Variants in LYN observed in about 807,000 individuals in gnomAD.
LYN encodes the protein tyrosine-protein kinase Lyn.
In LYN, 12 loss-of-function variants were observed where a neutral mutation model predicts 65.0. That is an observed-to-expected ratio of 0.18 (90% confidence interval 0.12 to 0.30). The LOEUF is 0.30. LYN is among the 10% of genes least tolerant of loss of function. The pLI, the probability that LYN is intolerant of heterozygous loss-of-function variation, is 1.00. For synonymous variants in LYN, 222 were observed against 221.2 expected, an observed-to-expected ratio of 1.00 and a Z score of -0.03; for missense variants, 380 against 623.2, an observed-to-expected ratio of 0.61 and a Z score of 4.16.
chr8:56,005,450 C>T (rs542525702), intron 12 of LYN, among the ~76,000 whole-genome samples: 4 of 152,322 alleles, frequency 2.6e-5, no homozygotes, highest in East Asian at 1.9e-4. Context: ...GTCCTGCCCT[C>T]GGCGCTGGCC....
chr8:55,948,649 A>C (rs1806852506), intron 4 of LYN, among the ~76,000 whole-genome samples: 1 of 152,220 alleles, frequency 6.6e-6, no homozygotes, highest in Non-Finnish European at 1.5e-5. Flanking sequence ...GTGACCTGCC[A>C]AATAGGGTTT....
At chr8:55,884,927 C>T (rs527348277) in intron 1 of LYN, among the ~76,000 whole-genome samples, 5 of 152,348 alleles carry the variant, frequency 3.3e-5, no homozygotes, top group African/African-American at 9.6e-5. Flanking sequence ...TTATTTGCCA[C>T]AGAGCTATTT....
chr8:55,892,477 T>G (rs760247722), intron 1 of LYN, among the ~76,000 whole-genome samples: 2 of 152,186 alleles, frequency 1.3e-5, no homozygotes, highest in Non-Finnish European at 2.9e-5. Context: ...GCTTCCTGAT[T>G]TGATGATACA....
intron 8 of LYN, among the ~76,000 whole-genome samples, chr8:55,963,378 C>T (rs1275001513): frequency 6.6e-6 from 1 of 152,170 alleles, no homozygotes; most frequent in Admixed American, 6.5e-5. Flanking sequence ...CAGAGCTGTA[C>T]TTAGAGAGAT....
At chr8:55,994,853 T>C (rs138327832) in intron 10 of LYN, among the ~76,000 whole-genome samples, 171 of 152,314 alleles carry the variant, frequency 1.1e-3, no homozygotes, top group African/African-American at 3.9e-3. Flanking sequence ...GACCGCTCAA[T>C]TGCTGCTGTC....
intron 10 of LYN, among the ~76,000 whole-genome samples, chr8:55,990,723 T>A (rs931209550): frequency 1.3e-5 from 2 of 152,172 alleles, no homozygotes; most frequent in African/African-American, 4.8e-5. Context: ...GTCATTGGTG[T>A]CTACACTCCA....
intron 1 of LYN, among the ~76,000 whole-genome samples, chr8:55,933,445 G>A (rs1806326672): frequency 6.6e-6 from 1 of 152,160 alleles, no homozygotes; most frequent in Admixed American, 6.5e-5. Context: ...ACTTTGTGTA[G>A]CCCCCAGTTA....
At chr8:56,007,375 G>A (rs1808701622) in intron 12 of LYN, among the ~76,000 whole-genome samples, 1 of 152,216 alleles carries the variant, frequency 6.6e-6, no homozygotes, top group South Asian at 2.1e-4. Flanking sequence ...CCCAAATAAA[G>A]AGGATGATAC....
chr8:55,990,972 A>T (rs190435141), intron 10 of LYN, among the ~76,000 whole-genome samples: 1 of 152,344 alleles, frequency 6.6e-6, no homozygotes, highest in Admixed American at 6.5e-5. Context: ...GCCCAGCTTA[A>T]GTGTGTGCCT....
rs1248612838 is a variant in LYN, at chr8:56,013,095, T to A, written c.*2985T>A. ...GTCCAAGCCCCCTTCTAGGGGAAAT[T>A]CACTGCCACAGAAGCCAGCAGCCCT... On this transcript the variant is annotated 3_prime_UTR_variant, in exon 13 of 13. Coordinates refer to ENST00000519728, the MANE Select transcript of LYN (RefSeq NM_002350.4). The A allele has an allele frequency of 6.6e-6, 1 of 152,192 alleles. No individual in the cohort carries two copies. The highest frequency in any genetic ancestry group is 6.5e-5 in the Admixed American group (1 of 15,286). The allele number at this position is 152,192 out of a possible 1,614,324, so 9.4% of individuals were successfully genotyped here. A position where few individuals can be genotyped will look rare whatever the true frequency, so the allele number is the denominator to read the frequency against.
chr8:55,880,699 C>G (rs911869229), intron 1 of LYN, among the ~76,000 whole-genome samples: 1 of 152,218 alleles, frequency 6.6e-6, no homozygotes, highest in African/African-American at 2.4e-5. Context: ...TGGAACTCAC[C>G]CTCCCGCTGC....
rs368928711 is a variant in LYN, at chr8:55,915,322, T to C, written c.-5-26533T>C. 2.0e-5 allele frequency among the ~76,000 whole-genome samples: 3 copies of C among 152,366 alleles called. 1 individual carries two copies. Among genetic ancestry groups the C allele is most frequent in the Admixed American group, 6.5e-5 (1 of 15,310 alleles). ...TATCCAGGTTTATTTATATTAACTA[T>C]AGTTTGTTTAAATATATTTTATTAA... On this transcript the variant is annotated intron_variant, in intron 1 of 12. Transcript: ENST00000519728.
intron 1 of LYN, among the ~76,000 whole-genome samples, chr8:55,923,354 G>A (rs1235765784): frequency 2.0e-5 from 3 of 152,012 alleles, no homozygotes; most frequent in African/African-American, 4.8e-5. Context: ...CTCAGTTTCC[G>A]CCTCTCTGTC....
chr8:55,916,995 G>T (rs1050187004), intron 1 of LYN, among the ~76,000 whole-genome samples: 4 of 151,864 alleles, frequency 2.6e-5, no homozygotes, highest in Non-Finnish European at 2.9e-5. Flanking sequence ...TGGCCAACAC[G>T]GTGAAACCCC....
chr8:55,911,664 G>A (rs1041641484), intron 1 of LYN, among the ~76,000 whole-genome samples: 1 of 99,620 alleles, frequency 1.0e-5, no homozygotes, highest in African/African-American at 3.4e-5. Context: ...GTAACCCTGG[G>A]GGCAGTCCTA....
At chr8:56,000,985 C>T (rs539915780) in intron 12 of LYN, among the ~76,000 whole-genome samples, 1 of 152,212 alleles carries the variant, frequency 6.6e-6, no homozygotes, top group South Asian at 2.1e-4. Context: ...AACACACAGC[C>T]ATCCTGTAGG....
intron 11 of LYN, 100 bp from the exon 12 acceptor site, chr8:55,999,318 C>T (rs1379002467): frequency 4.6e-6 from 5 of 1,089,992 alleles, no homozygotes; most frequent in African/African-American, 3.2e-5. Flanking sequence ...GAAACTCCGC[C>T]TCAAAAAAAG....
chr8:56,004,082 G>A (rs1450202430), intron 12 of LYN, among the ~76,000 whole-genome samples: 1 of 151,122 alleles, frequency 6.6e-6, no homozygotes, highest in East Asian at 2.0e-4. Context: ...ACAGGCATGT[G>A]CCACCATGCC....
At chr8:55,945,597 G>A (rs969338795) in intron 2 of LYN, among the ~76,000 whole-genome samples, 1 of 152,174 alleles carries the variant, frequency 6.6e-6, no homozygotes, top group Non-Finnish European at 1.5e-5. Flanking sequence ...TGTGGTATAG[G>A]CCTCTGACAG....
Sources: allele counts gnomAD v4.1 joint callset (sites outside exome capture counted in the v4.1 genomes callset), GRCh38; gene constraint gnomAD v4.1.1; transcripts MANE v1.5; gene names NCBI Gene and HGNC (gene_info 2026-07-23, HGNC 2026-07-21).